Variants in SETBP1 observed in about 807,000 individuals in gnomAD.
SETBP1 encodes the protein SET-binding protein.
Under a neutral mutation model 101.0 loss-of-function variants are expected in SETBP1, and 9 were observed. That is an observed-to-expected ratio of 0.09 (90% CI 0.05 to 0.16). The LOEUF is 0.16. SETBP1 is among the 10% of genes least tolerant of loss of function. The pLI is 1.00. For missense variants in SETBP1, 1,858 were observed against 2,033.8 expected (o/e 0.91, Z 1.66); for synonymous variants, 818 against 788.5 (o/e 1.04, Z -0.63).
chr18:44,752,126 GA>G (rs144885612), intron 2 of SETBP1, among the ~76,000 whole-genome samples: 4 of 151,988 alleles, frequency 2.6e-5, no homozygotes, highest in South Asian at 4.2e-4. Flanking sequence ...TAAATACAGG[GA>G]AAAAAATAAA....
intron 2 of SETBP1, among the ~76,000 whole-genome samples, chr18:44,720,142 G>A (rs896929123): frequency 6.6e-6 from 1 of 152,122 alleles, no homozygotes; most frequent in Admixed American, 6.5e-5. Flanking sequence ...ATCTGATAGA[G>A]CCCTGGCTTA....
intron 3 of SETBP1, among the ~76,000 whole-genome samples, chr18:44,943,001 G>C (rs899241697): frequency 6.6e-6 from 1 of 152,166 alleles, no homozygotes; most frequent in Non-Finnish European, 1.5e-5. Context: ...TTCGTTTAGA[G>C]GCTGGATAGC....
chr18:45,026,553 C>T lies in SETBP1; in HGVS notation c.4001-11932C>T, dbSNP rs567304961. ...ACATGCTTTATGTCTATTACTATAG[C>T]AAATTCGTAACCTACCTGATTGCCA... On this transcript the variant is annotated intron_variant, in intron 4 of 5. Coordinates refer to ENST00000649279, the MANE Select transcript of SETBP1 (RefSeq NM_015559.3). Among the ~76,000 whole-genome samples, 6 of 152,314 alleles carry T rather than the reference C, an allele frequency of 3.9e-5. No individual in the cohort carries two copies. The South Asian group carries it at 1.2e-3, about 32-fold the overall frequency.
chr18:44,730,997 G>A (rs1472305957), intron 2 of SETBP1, among the ~76,000 whole-genome samples: 1 of 152,156 alleles, frequency 6.6e-6, no homozygotes, highest in Non-Finnish European at 1.5e-5. Context: ...ACTTGTGACT[G>A]GCTCTGGCTG....
At position 44,722,157 on chromosome 18, in the gene SETBP1, G is replaced by A. The variant is rs549588599; in HGVS notation, c.486+20325G>A. The stretch of plus-strand genomic sequence containing the variant: ...CTGCGTGGACATGCATGTGTGTACC[G>A]AAAAGAGCCCAGCATTGGTATGACA... On this transcript the variant is annotated intron_variant, in intron 2 of 5. Coordinates refer to ENST00000649279, the MANE Select transcript of SETBP1 (RefSeq NM_015559.3). Among the ~76,000 whole-genome samples, 33 of 148,846 alleles carry A rather than the reference G, an allele frequency of 2.2e-4. No homozygotes were observed. In the South Asian group the frequency reaches 2.6e-3, roughly 12 times the overall value.
chr18:44,930,081 A>G (rs1399009041), intron 3 of SETBP1, among the ~76,000 whole-genome samples: 1 of 152,180 alleles, frequency 6.6e-6, no homozygotes, highest in Admixed American at 6.5e-5. Context: ...TTTATCATAA[A>G]TAGCTCTTAT....
intron 3 of SETBP1, among the ~76,000 whole-genome samples, chr18:44,881,577 G>A (rs1284553977): frequency 6.6e-6 from 1 of 152,220 alleles, no homozygotes; most frequent in Non-Finnish European, 1.5e-5. Flanking sequence ...ATTCCATCGT[G>A]ATGTGTTTAG....
chr18:44,949,549 G>A (rs542865334), intron 3 of SETBP1, among the ~76,000 whole-genome samples: 1 of 152,266 alleles, frequency 6.6e-6, no homozygotes, highest in Admixed American at 6.5e-5. Flanking sequence ...ATGTAAAAAG[G>A]CACTGGGCTA....
intron 1 of SETBP1, among the ~76,000 whole-genome samples, chr18:44,685,970 C>G (rs961753655): frequency 1.3e-5 from 2 of 152,056 alleles, no homozygotes; most frequent in Non-Finnish European, 2.9e-5. Flanking sequence ...TAAGGATCAG[C>G]AAGAAAAAAG....
At position 44,729,864 on chromosome 18, in the gene SETBP1, G is replaced by A. The variant is rs572262180; in HGVS notation, c.486+28032G>A. 1.9e-4 allele frequency among the ~76,000 whole-genome samples: 29 copies of A among 152,354 alleles called. No individual in the cohort carries two copies. The South Asian group carries it at 6.0e-3, about 32-fold the overall frequency. ...AGAAACCCCAGGAGGTCCCGGGGAG[G>A]CTGTGGTTTATGTCACACAGGCTTT... On this transcript the variant is annotated intron_variant, in intron 2 of 5. Coordinates refer to ENST00000649279, the MANE Select transcript of SETBP1 (RefSeq NM_015559.3).
intron 5 of SETBP1, among the ~76,000 whole-genome samples, chr18:45,042,223 C>G (rs2073524098): frequency 6.9e-6 from 1 of 144,542 alleles, no homozygotes; most frequent in South Asian, 2.3e-4. Context: ...AATCTTGGCT[C>G]ACTGCAACCT....
intron 4 of SETBP1, among the ~76,000 whole-genome samples, chr18:45,013,434 C>CTTTCTTTCTTTCTTTCTTTCTT (rs573114558): frequency 6.6e-5 from 10 of 150,400 alleles, no homozygotes; most frequent in African/African-American, 2.5e-4. Flanking sequence ...TTCTTTCTTT[C>CTTTCTTTCTTTCTTTCTTTCTT]TTTTTTTTTG....
chr18:45,036,859 G>A (rs911465830), intron 4 of SETBP1, among the ~76,000 whole-genome samples: 2 of 152,194 alleles, frequency 1.3e-5, no homozygotes, highest in Non-Finnish European at 2.9e-5. Context: ...TTAGAGTTTG[G>A]CCAGGTGGAC....
At chr18:45,002,217 C>A (rs1401447424) in intron 4 of SETBP1, among the ~76,000 whole-genome samples, 4 of 152,108 alleles carry the variant, frequency 2.6e-5, no homozygotes, top group Admixed American at 6.5e-5. Flanking sequence ...CACCCTAGAA[C>A]CCCAGCTTTC....
intron 5 of SETBP1, among the ~76,000 whole-genome samples, chr18:45,041,865 G>A (rs1471228708): frequency 6.6e-6 from 1 of 151,910 alleles, no homozygotes; most frequent in Non-Finnish European, 1.5e-5. Flanking sequence ...TCTTAGGCAG[G>A]AGAATTGCTT....
chr18:44,930,509 T>A (rs894047370), intron 3 of SETBP1, among the ~76,000 whole-genome samples: 2 of 152,236 alleles, frequency 1.3e-5, no homozygotes, highest in African/African-American at 4.8e-5. Context: ...TCAGAAGGAA[T>A]GGTACCAGTT....
At chr18:44,929,518 C>A (rs1054511710) in intron 3 of SETBP1, among the ~76,000 whole-genome samples, 184 of 152,256 alleles carry the variant, frequency 1.2e-3, no homozygotes, top group African/African-American at 4.3e-3. Flanking sequence ...CTATAAATTA[C>A]CTTGGGCAAT....
At chr18:44,793,919 A>T (rs1035746642) in intron 2 of SETBP1, among the ~76,000 whole-genome samples, 1 of 152,184 alleles carries the variant, frequency 6.6e-6, no homozygotes, top group Non-Finnish European at 1.5e-5. Context: ...TTTTTAGTTC[A>T]TGATATACTT....
At chr18:44,763,336 A>G (rs1197916490) in intron 2 of SETBP1, among the ~76,000 whole-genome samples, 1 of 152,254 alleles carries the variant, frequency 6.6e-6, no homozygotes, top group Non-Finnish European at 1.5e-5. Flanking sequence ...CCAATGTGGC[A>G]TAGAATCGAA....
Sources: allele counts gnomAD v4.1 joint callset (sites outside exome capture counted in the v4.1 genomes callset), GRCh38; gene constraint gnomAD v4.1.1; transcripts MANE v1.5; gene names NCBI Gene and HGNC (gene_info 2026-07-23, HGNC 2026-07-21).